LRRTM4: variants seen among roughly 807,000 people sequenced by gnomAD.
LRRTM4 encodes leucine-rich repeat transmembrane neuronal protein 4.
A neutral mutation model predicts 47.6 loss-of-function variants in LRRTM4; 25 were observed. The observed-to-expected ratio is 0.53, with a 90% CI of 0.38 to 0.73. The LOEUF is 0.73. Ranked by LOEUF, LRRTM4 falls within the 30% of genes least tolerant of loss-of-function variation. LRRTM4 has a pLI of 0.00. For missense variants in LRRTM4, 638 were observed against 713.4 expected (o/e 0.89, Z 1.20); for synonymous variants, 311 against 269.5 (o/e 1.15, Z -1.51).
intron 3 of LRRTM4, among the ~76,000 whole-genome samples, chr2:76,904,354 C>G (rs150105879): frequency 2.0e-5 from 3 of 152,138 alleles, no homozygotes; most frequent in Non-Finnish European, 2.9e-5. Context: ...GATTGTTATT[C>G]GAGGAAGAAA....
chr2:77,493,265 G>A lies in LRRTM4; in HGVS notation c.1551+25053C>T, dbSNP rs574524235. The stretch of plus-strand genomic sequence containing the variant: ...AAATGACATAATAATATATATTTAG[G>A]GAAGGATACAAATTAATAAATGTCA... On this transcript the variant is annotated intron_variant, in intron 3 of 3. Transcript: ENST00000409884. Among the ~76,000 whole-genome samples the A allele has an allele frequency of 3.3e-5, 5 of 152,002 alleles. No individual in the cohort carries two copies. In the South Asian group the frequency reaches 1.0e-3, roughly 32 times the overall value.
At chr2:77,460,622 T>G (rs1676752032) in intron 3 of LRRTM4, among the ~76,000 whole-genome samples, 1 of 152,192 alleles carries the variant, frequency 6.6e-6, no homozygotes, top group Admixed American at 6.6e-5. Flanking sequence ...TGTAATAAGT[T>G]AATTGATTAT....
intron 3 of LRRTM4, among the ~76,000 whole-genome samples, chr2:77,346,534 C>T (rs971590607): frequency 6.6e-6 from 1 of 152,028 alleles, no homozygotes; most frequent in African/African-American, 2.4e-5. Flanking sequence ...GAAAAAGAGA[C>T]ATTCATATAT....
At chr2:77,267,104 C>A (rs545485987) in intron 3 of LRRTM4, among the ~76,000 whole-genome samples, 1 of 152,100 alleles carries the variant, frequency 6.6e-6, no homozygotes, top group South Asian at 2.1e-4. Flanking sequence ...TTCCAATAAG[C>A]TTTTTAGTGC....
chr2:76,842,245 T>C (rs963938705), intron 3 of LRRTM4, among the ~76,000 whole-genome samples: 1 of 152,210 alleles, frequency 6.6e-6, no homozygotes. Context: ...TCCCTGCTTT[T>C]CAGGCTTGGA....
intron 3 of LRRTM4, among the ~76,000 whole-genome samples, chr2:76,924,280 C>A (rs1674521475): frequency 6.6e-6 from 1 of 151,976 alleles, no homozygotes; most frequent in African/African-American, 2.4e-5. Context: ...TGAAATTGCA[C>A]CAACCTGTCT....
intron 3 of LRRTM4, among the ~76,000 whole-genome samples, chr2:76,818,906 TTAGTTTTACTAGTAAAGTCAGTTTTAA>T (rs1183330023): frequency 6.6e-6 from 1 of 151,830 alleles, no homozygotes; most frequent in African/African-American, 2.4e-5. Flanking sequence ...ACCAGTTTGA[TTAGTTTTACTAGTAAAGTCAGTTTTAA>T]TAGTTTTACT....
At chr2:76,957,181 A>G (rs912184134) in intron 3 of LRRTM4, among the ~76,000 whole-genome samples, 1 of 151,670 alleles carries the variant, frequency 6.6e-6, no homozygotes, top group Non-Finnish European at 1.5e-5. Context: ...AAAATGCATG[A>G]TTTTCCTTAT....
chr2:77,282,698 C>A (rs543878676), intron 3 of LRRTM4, among the ~76,000 whole-genome samples: 15 of 151,972 alleles, frequency 9.9e-5, no homozygotes, highest in Admixed American at 8.5e-4. Context: ...TGAACACCTA[C>A]AACCATCTAA....
chr2:77,236,904 C>A (rs577254603), intron 3 of LRRTM4, among the ~76,000 whole-genome samples: 40 of 151,760 alleles, frequency 2.6e-4, no homozygotes, highest in Non-Finnish European at 5.2e-4. Flanking sequence ...TTTTGATATG[C>A]TGCTGAATTT....
chr2:77,521,603 C>T (rs1353719464), intron 2 of LRRTM4, 65 bp downstream of exon 2: 28 of 1,597,962 alleles, frequency 1.8e-5, no homozygotes, highest in African/African-American at 4.0e-5. Context: ...GCTAATGCCA[C>T]GACTGAGGAT....
intron 3 of LRRTM4, among the ~76,000 whole-genome samples, chr2:77,475,803 C>T (rs1212499115): frequency 6.6e-6 from 1 of 151,424 alleles, no homozygotes; most frequent in Admixed American, 6.6e-5. Context: ...ACTTCACATG[C>T]TTTTCATTTA....
At chr2:76,798,991 G>C (rs896008873) in intron 3 of LRRTM4, among the ~76,000 whole-genome samples, 1 of 150,826 alleles carries the variant, frequency 6.6e-6, no homozygotes, top group African/African-American at 2.4e-5. Flanking sequence ...TCCAGGACCA[G>C]ATGGATTCAC....
intron 3 of LRRTM4, among the ~76,000 whole-genome samples, chr2:76,813,183 C>T (rs1056608248): frequency 3.3e-5 from 5 of 151,994 alleles, no homozygotes. Flanking sequence ...AAAAATTCCT[C>T]AGCTCCACTA....
At chr2:76,990,790 C>A (rs1304553926) in intron 3 of LRRTM4, among the ~76,000 whole-genome samples, 3 of 151,558 alleles carry the variant, frequency 2.0e-5, no homozygotes, top group African/African-American at 7.3e-5. Flanking sequence ...TATACTTGAC[C>A]AATTGGACCT....
chr2:77,495,861 T>A (rs566450096), intron 3 of LRRTM4, among the ~76,000 whole-genome samples: 1 of 152,168 alleles, frequency 6.6e-6, no homozygotes, highest in Non-Finnish European at 1.5e-5. Flanking sequence ...ATTATAGGTC[T>A]TTTGCATTTC....
At chr2:76,953,949 A>C (rs750104375) in intron 3 of LRRTM4, among the ~76,000 whole-genome samples, 49 of 151,966 alleles carry the variant, frequency 3.2e-4, no homozygotes, top group Non-Finnish European at 5.3e-4. Flanking sequence ...AGAGAGCAAG[A>C]GACTACAACC....
intron 3 of LRRTM4, among the ~76,000 whole-genome samples, chr2:76,897,998 C>A (rs530273673): frequency 6.6e-6 from 1 of 152,234 alleles, no homozygotes; most frequent in East Asian, 1.9e-4. Flanking sequence ...CAAATGTAAA[C>A]TGCAGTCCTA....
At chr2:77,194,411 G>A (rs1673758462) in intron 3 of LRRTM4, among the ~76,000 whole-genome samples, 1 of 152,106 alleles carries the variant, frequency 6.6e-6, no homozygotes, top group Admixed American at 6.6e-5. Flanking sequence ...TGGGAATTAT[G>A]AACACACTTC....
Sources: allele counts gnomAD v4.1 joint callset (sites outside exome capture counted in the v4.1 genomes callset), GRCh38; gene constraint gnomAD v4.1.1; transcripts MANE v1.5; gene names NCBI Gene and HGNC (gene_info 2026-07-23, HGNC 2026-07-21).